STARD9: variants seen among roughly 807,000 people sequenced by gnomAD.
STARD9 encodes StAR related lipid transfer domain containing 9, also known as stAR-related lipid transfer protein 9.
STARD9 carries 346 observed loss-of-function variants against 399.8 expected under a neutral mutation model. The observed-to-expected ratio is 0.87, with a 90% CI of 0.79 to 0.95. The LOEUF is 0.95. STARD9 is among the 40% of genes least tolerant of loss of function. STARD9 has a pLI of 0.00. For synonymous variants in STARD9, 2,203 were observed against 2,143.5 expected (o/e 1.03, Z -0.77); for missense variants, 5,832 against 5,667.5 (o/e 1.03, Z -0.93).
intron 3 of STARD9, among the ~76,000 whole-genome samples, chr15:42,589,880 C>T (rs796512780): frequency 1.3e-5 from 2 of 151,176 alleles, no homozygotes; most frequent in African/African-American, 4.9e-5. Flanking sequence ...GCTGGGATTA[C>T]AGGCGTGAGC....
intron 9 of STARD9, among the ~76,000 whole-genome samples, chr15:42,659,390 C>T (rs904476982): frequency 6.6e-6 from 1 of 152,184 alleles, no homozygotes; most frequent in African/African-American, 2.4e-5. Context: ...CACTACCCAC[C>T]TTTTAACATG....
chr15:42,661,070 C>A, intron 9 of STARD9, 88 bp from the exon 10 acceptor site: 3 of 994,778 alleles, frequency 3.0e-6, no homozygotes, highest in Non-Finnish European at 1.5e-6. Flanking sequence ...GGATAAAAAT[C>A]CAAAATATCA....
chr15:42,584,598 G>A (rs371957556), intron 2 of STARD9, among the ~76,000 whole-genome samples: 3 of 152,174 alleles, frequency 2.0e-5, no homozygotes, highest in East Asian at 1.9e-4. Flanking sequence ...TTCCCTGTCC[G>A]GAGTGTATAA....
rs545599274 is a variant in STARD9 at position 42,600,911 on chromosome 15, G to A, written c.234+15274G>A. ...TATTGATCATTCTTGGGTGTTTCTC[G>A]GAGAGGGGGATTTGGCAGGGTCATA... On this transcript the variant is annotated intron_variant, in intron 3 of 32. Coordinates refer to ENST00000290607, the MANE Select transcript of STARD9 (RefSeq NM_020759.3). 6.1e-5 allele frequency among the ~76,000 whole-genome samples: 9 copies of A among 148,568 alleles called. No homozygotes were observed. In the South Asian group the frequency reaches 1.9e-3, roughly 32 times the overall value.
At chr15:42,591,648 A>G (rs1419730745) in intron 3 of STARD9, among the ~76,000 whole-genome samples, 2 of 152,190 alleles carry the variant, frequency 1.3e-5, no homozygotes, top group South Asian at 2.1e-4. Context: ...GCATTGTATC[A>G]TTCTCTGTCT....
At position 42,686,589 on chromosome 15, in the gene STARD9, G is replaced by C. The variant is rs1297268191; in HGVS notation, c.5011G>C (p.Gly1671Arg). 1 of 1,537,338 alleles carries C rather than the reference G, an allele frequency of 6.5e-7. No individual in the cohort carries two copies. Among genetic ancestry groups the C allele is most frequent in the African/African-American group, 1.4e-5 (1 of 73,046 alleles). ...CACCAAAGCAGACCATTGGTCCCAA[G>C]GCTGGGCTCCTCTCAGGAAAAATAG... ...TATKADHWSQ[G>R]WAPLRKNSAV... Residue 1671 changes from glycine (G) to arginine (R), a missense_variant, in exon 23 of 33, where the codon GGC becomes CGC. This residue lies in a region of STARD9 where 5,828 missense variants were observed against 5,651.1 expected (regional missense o/e 1.03). Transcript: ENST00000290607.
intron 30 of STARD9, 51 bp downstream of exon 30, chr15:42,718,230 A>G (rs1013158493): frequency 2.0e-6 from 3 of 1,494,622 alleles, no homozygotes; most frequent in African/African-American, 2.8e-5. Flanking sequence ...TGGTGTGCCC[A>G]GTGGGGTCTT....
At chr15:42,599,199 T>C (rs1482940397) in intron 3 of STARD9, among the ~76,000 whole-genome samples, 1 of 152,212 alleles carries the variant, frequency 6.6e-6, no homozygotes, top group Non-Finnish European at 1.5e-5. Flanking sequence ...GCTGGGATTA[T>C]GTGAGCCACC....
rs2058753929 is a variant in STARD9, at chr15:42,607,435, T to C, written c.234+21798T>C. 2.0e-5 allele frequency among the ~76,000 whole-genome samples: 3 copies of C among 151,890 alleles called. No individual in the cohort carries two copies. In the South Asian group the frequency reaches 6.3e-4, roughly 32 times the overall value. On this transcript the variant is annotated intron_variant, in intron 3 of 32. Transcript: ENST00000290607. ...CCAGGCTGGTCTCAAACTCCTGACC[T>C]CAAGTGATCTGCCCACCTCACCCTC...
intron 7 of STARD9, among the ~76,000 whole-genome samples, chr15:42,646,276 A>G (rs1248539306): frequency 6.6e-6 from 1 of 152,202 alleles, no homozygotes; most frequent in Non-Finnish European, 1.5e-5. Context: ...GAAACCAGAC[A>G]TTGGCTGCTG....
chr15:42,701,891 G>T (rs2060971382), intron 26 of STARD9, among the ~76,000 whole-genome samples: 1 of 151,466 alleles, frequency 6.6e-6, no homozygotes, highest in African/African-American at 2.4e-5. Context: ...CTTCCTGGGA[G>T]GCTGAGGCAG....
In STARD9 at chr15:42,693,549, C is replaced by T. The variant is rs1467937448; in HGVS notation, c.11971C>T (p.Leu3991Phe). The change falls in exon 23 of 33, where the codon CTC becomes TTC. Residue 3991 changes from leucine (L) to phenylalanine (F), a missense_variant. Physicochemically the swap from Leu to Phe is conservative, Grantham distance 22. Transcript: ENST00000290607. Reference sequence around the variant, plus strand: ...ACACAGCCCACAGCAGAGTCCAAAACTCCAATTTAGTTTCTTAGGGCAGCA... The same window carrying T: ...ACACAGCCCACAGCAGAGTCCAAAATTCCAATTTAGTTTCTTAGGGCAGCA... ...SPHSPQQSPK[L>F]QFSFLGQHPQ... The T allele has an allele frequency of 3.9e-6, 6 of 1,537,174 alleles. No individual in the cohort carries two copies. The highest frequency in any genetic ancestry group is 5.2e-6 in the Non-Finnish European group (6 of 1,146,932).
chr15:42,615,198 G>T (rs138641056), intron 3 of STARD9, among the ~76,000 whole-genome samples: 1 of 151,642 alleles, frequency 6.6e-6, no homozygotes, highest in Non-Finnish European at 1.5e-5. Context: ...TTAGTAGAGA[G>T]AGCGTTTCAC....
At position 42,675,195 on chromosome 15, in the gene STARD9, T is replaced by A. The variant is rs1327897813; in HGVS notation, c.1687+231T>A. ...TTTGTACCTGTGTTAATTAGCTCTG[T>A]CTCCCTAGGAAAGTCTCTGAGCCTC... On this transcript the variant is annotated intron_variant, in intron 18 of 32. Transcript: ENST00000290607. Among the ~76,000 whole-genome samples, 2 of 152,204 alleles carry A rather than the reference T, an allele frequency of 1.3e-5. 1 individual carries two copies. The highest frequency in any genetic ancestry group is 2.9e-5 in the Non-Finnish European group (2 of 68,030).
At chr15:42,710,161 GGT>G (rs2061181426) in intron 26 of STARD9, among the ~76,000 whole-genome samples, 1 of 149,194 alleles carries the variant, frequency 6.7e-6, no homozygotes, top group Non-Finnish European at 1.5e-5. Flanking sequence ...CCTGGGCGCC[GGT>G]GATCCTCCCA....
At chr15:42,677,223 C>G (rs763738616) in intron 20 of STARD9, among the ~76,000 whole-genome samples, 1 of 152,078 alleles carries the variant, frequency 6.6e-6, no homozygotes, top group Non-Finnish European at 1.5e-5. Context: ...GACATTGCGC[C>G]ACTGCACTCC....
chr15:42,703,442 C>T (rs1317174332), intron 26 of STARD9, among the ~76,000 whole-genome samples: 1 of 151,378 alleles, frequency 6.6e-6, no homozygotes, highest in East Asian at 1.9e-4. Flanking sequence ...CTGCCCACTG[C>T]AGCCTCCGCC....
intron 3 of STARD9, among the ~76,000 whole-genome samples, chr15:42,592,664 G>A (rs1024855766): frequency 7.2e-5 from 11 of 151,824 alleles, no homozygotes; most frequent in Non-Finnish European, 1.2e-4. Flanking sequence ...GGCTCGTCTC[G>A]AACTCCGGAT....
chr15:42,633,476 A>G (rs1390429090), intron 3 of STARD9, among the ~76,000 whole-genome samples: 1 of 152,146 alleles, frequency 6.6e-6, no homozygotes, highest in Non-Finnish European at 1.5e-5. Flanking sequence ...TGATTTGAGC[A>G]CACACTTGGC....
Sources: gnomAD v4.1 joint callset for allele counts (sites outside exome capture counted in the v4.1 genomes callset) on GRCh38, gnomAD v4.1.1 for gene constraint, gnomAD v4.1.1 regional missense constraint, MANE v1.5 for transcripts, NCBI Gene and HGNC (gene_info 2026-07-23, HGNC 2026-07-21) for gene names.